Variants in PHACTR3 observed in about 807,000 individuals in gnomAD.
PHACTR3 encodes the protein phosphatase and actin regulator 3.
Under a neutral mutation model 66.8 loss-of-function variants are expected in PHACTR3, and 16 were observed. The ratio of observed to expected loss-of-function variants is 0.24; its 90% confidence interval spans 0.16 to 0.36. The LOEUF is 0.36. Ranked by LOEUF, PHACTR3 falls within the 10% of genes least tolerant of loss-of-function variation. The pLI, the probability that PHACTR3 is intolerant of heterozygous loss-of-function variation, is 1.00. For missense variants in PHACTR3, 647 were observed against 719.9 expected (o/e 0.90, Z 1.16); for synonymous variants, 323 against 292.1 (o/e 1.11, Z -1.08).
At chr20:59,740,631 C>A (rs893452279) in intron 1 of PHACTR3, among the ~76,000 whole-genome samples, 2 of 152,220 alleles carry the variant, frequency 1.3e-5, no homozygotes, top group Non-Finnish European at 2.9e-5. Context: ...GTCCTCCCCT[C>A]AACCTTACCT....
chr20:59,827,243 G>A (rs1025612815), intron 8 of PHACTR3, among the ~76,000 whole-genome samples: 4 of 152,260 alleles, frequency 2.6e-5, no homozygotes, highest in South Asian at 2.1e-4. Context: ...GGGGGTGCAC[G>A]TGATCTTGGT....
chr20:59,785,569 G>A (rs2146938318), intron 7 of PHACTR3, among the ~76,000 whole-genome samples: 1 of 152,330 alleles, frequency 6.6e-6, no homozygotes, highest in Middle Eastern at 3.4e-3. Context: ...GCAAGAGAAA[G>A]CGCAGAGGGG....
rs541727409 is a variant in PHACTR3, at chr20:59,680,585, T to TG, written c.119-62521dup. Among the ~76,000 whole-genome samples the TG allele has an allele frequency of 6.2e-4, 94 of 152,300 alleles. 1 individual carries two copies. Among genetic ancestry groups the TG allele is most frequent in the African/African-American group, 2.2e-3 (91 of 41,564 alleles). ...ACCCAAGCTTGTCCAACCCAAGGCC[T>TG]GTGGGACGCATGCAGCCCAGGATGG... is the stretch of plus-strand genomic sequence containing the variant. On this transcript the variant is annotated intron_variant, in intron 1 of 12. Transcript: ENST00000371015.
chr20:59,681,837 C>G (rs1195369187), intron 1 of PHACTR3, among the ~76,000 whole-genome samples: 2 of 151,926 alleles, frequency 1.3e-5, no homozygotes, highest in African/African-American at 4.8e-5. Flanking sequence ...ATGGTGAAAC[C>G]CTGTCTCTAC....
chr20:59,667,674 C>G (rs1369322068), intron 1 of PHACTR3, among the ~76,000 whole-genome samples: 1 of 152,224 alleles, frequency 6.6e-6, no homozygotes, highest in African/African-American at 2.4e-5. Context: ...TCCAGGCCAG[C>G]CTGCCTCTGG....
chr20:59,726,077 C>G (rs1319803889), intron 1 of PHACTR3, among the ~76,000 whole-genome samples: 1 of 152,212 alleles, frequency 6.6e-6, no homozygotes, highest in African/African-American at 2.4e-5. Context: ...TATAGCAGTG[C>G]CTCCAGGGTC....
chr20:59,676,059 C>T (rs780366628), intron 1 of PHACTR3, among the ~76,000 whole-genome samples: 7 of 152,190 alleles, frequency 4.6e-5, no homozygotes, highest in Non-Finnish European at 8.8e-5. Flanking sequence ...GGACTTGGCT[C>T]CAGGCAGCCT....
intron 1 of PHACTR3, among the ~76,000 whole-genome samples, chr20:59,741,289 C>T (rs888584970): frequency 1.9e-4 from 29 of 152,356 alleles, no homozygotes; most frequent in African/African-American, 7.0e-4. Context: ...GCTGAGCCAG[C>T]TGTCGGGGAG....
chr20:59,774,507 C>T lies in PHACTR3; in HGVS notation c.1174+17C>T. The stretch of plus-strand genomic sequence containing the variant: ...TTATTTCTGGTGAGGAAAGGATGGC[C>T]CATTAAGTGTGGGGATCTCGGCCAG... On this transcript the variant is annotated intron_variant, in intron 7 of 12. Transcript: ENST00000371015. The T allele has an allele frequency of 6.2e-7, 1 of 1,609,968 alleles. No homozygotes were observed. Among genetic ancestry groups the T allele is most frequent in the Non-Finnish European group, 8.5e-7 (1 of 1,178,088 alleles).
chr20:59,760,353 A>G (rs896366230), intron 4 of PHACTR3, among the ~76,000 whole-genome samples: 1 of 152,066 alleles, frequency 6.6e-6, no homozygotes, highest in Non-Finnish European at 1.5e-5. Flanking sequence ...ATGGTGCCCG[A>G]TATGGTTTGG....
chr20:59,762,580 A>C (rs1027949542), intron 4 of PHACTR3, among the ~76,000 whole-genome samples: 2 of 152,326 alleles, frequency 1.3e-5, no homozygotes, highest in Admixed American at 1.3e-4. Context: ...CTGCACATCT[A>C]CTTTGCTGTG....
intron 1 of PHACTR3, among the ~76,000 whole-genome samples, chr20:59,677,758 T>G (rs1458349618): frequency 6.6e-6 from 1 of 152,170 alleles, no homozygotes; most frequent in Non-Finnish European, 1.5e-5. Flanking sequence ...GTGTTGTTCT[T>G]TGAGGAGGAA....
At chr20:59,758,321 C>A (rs562269015) in intron 4 of PHACTR3, among the ~76,000 whole-genome samples, 62 of 152,208 alleles carry the variant, frequency 4.1e-4, no homozygotes, top group Non-Finnish European at 6.6e-4. Flanking sequence ...GTAATTAGGG[C>A]AAGTAGTATT....
chr20:59,577,658 C>T, intron 1 of PHACTR3: 1 of 1,170,084 alleles, frequency 8.5e-7, no homozygotes, highest in Non-Finnish European at 1.1e-6. Flanking sequence ...GACGTGGGGC[C>T]CGGGGTGCCC....
rs145330988 is a variant in PHACTR3, at chr20:59,820,945, T to C, written c.1328+14751T>C. ...GGTGTGTGATGTCTGCCTGCTCAGA[T>C]GCTTGCAGGGACTAAATACCACACA... On this transcript the variant is annotated intron_variant, in intron 8 of 12. Transcript: ENST00000371015. This position sits in a 1 kb window ranked among gnomAD's most constrained non-coding sequence, Gnocchi z 4.6. Among the ~76,000 whole-genome samples the C allele has an allele frequency of 3.0e-4, 45 of 152,266 alleles. 1 individual carries two copies. Among genetic ancestry groups the C allele is most frequent in the African/African-American group, 9.6e-4 (40 of 41,550 alleles).
intron 1 of PHACTR3, among the ~76,000 whole-genome samples, chr20:59,630,267 C>T (rs1366290488): frequency 1.3e-5 from 1 of 79,884 alleles, no homozygotes; most frequent in Non-Finnish European, 2.9e-5. Flanking sequence ...ACTGCAACCT[C>T]TGCCTCCCAG....
intron 1 of PHACTR3, among the ~76,000 whole-genome samples, chr20:59,714,003 C>T (rs1442501460): frequency 1.3e-5 from 2 of 152,074 alleles, no homozygotes; most frequent in Non-Finnish European, 2.9e-5. Context: ...TCCTTGAAAA[C>T]GAATGAGGTT....
chr20:59,809,361 CCA>C (rs1225796884), intron 8 of PHACTR3, among the ~76,000 whole-genome samples: 1 of 152,092 alleles, frequency 6.6e-6, no homozygotes, highest in Non-Finnish European at 1.5e-5. Flanking sequence ...TGTCGTCATC[CCA>C]GGCTTTCATT....
At chr20:59,674,397 T>TGTTCCTTCCCCTTCTCCTGCCCCC (rs376873514) in intron 1 of PHACTR3, among the ~76,000 whole-genome samples, 1 of 78,560 alleles carries the variant, frequency 1.3e-5, no homozygotes, top group African/African-American at 6.0e-5. Context: ...CTCCTGTTCC[T>TGTTCCTTCCCCTTCTCCTGCCCCC]CCTTCTCCTG....
Sources: gnomAD v4.1 joint callset for allele counts (sites outside exome capture counted in the v4.1 genomes callset) on GRCh38, gnomAD v4.1.1 for gene constraint, Gnocchi (gnomAD v3.1) non-coding constraint, MANE v1.5 for transcripts, NCBI Gene and HGNC (gene_info 2026-07-23, HGNC 2026-07-21) for gene names.